The following UHRF1 variants were observed in gnomAD, a reference collection of about 807,000 sequenced individuals.
UHRF1 encodes ubiquitin like with PHD and ring finger domains 1.
A neutral mutation model predicts 96.5 loss-of-function variants in UHRF1; 9 were observed. That is an observed-to-expected ratio of 0.09 (90% confidence interval 0.06 to 0.16). The LOEUF is 0.16. UHRF1 is among the 10% of genes least tolerant of loss of function. UHRF1 has a pLI of 1.00. For missense variants in UHRF1, 626 were observed against 1,131.1 expected (o/e 0.55, Z 6.40); for synonymous variants, 455 against 469.9 (o/e 0.97, Z 0.41).
Position 4,911,023 on chromosome 19 carries a change from C to T in UHRF1, c.138C>T (p.Phe46=), listed in dbSNP as rs532419658. The change falls in exon 2 of 17, where the codon TTC becomes TTT. Residue 46 remains phenylalanine, a synonymous_variant. Coordinates refer to ENST00000650932, the MANE Select transcript of UHRF1 (RefSeq NM_001048201.3). ...FHVEPGLQRL[F]YRGKQMEDGH... ...TGGAGCCAGGCCTGCAGAGGCTGTT[C>T]TACAGGGGCAAACAGGTACACCCGC... 14 of 1,603,902 alleles carry T rather than the reference C, an allele frequency of 8.7e-6. No homozygotes were observed. Among genetic ancestry groups the T allele is most frequent in the South Asian group, 7.8e-5 (7 of 89,886 alleles).
At chr19:4,918,714 G>GC (rs1421719303) in intron 2 of UHRF1, among the ~76,000 whole-genome samples, 1 of 141,304 alleles carries the variant, frequency 7.1e-6, no homozygotes, top group East Asian at 2.1e-4. Context: ...GTGCCCAGCT[G>GC]GTTTTTTTTT....
chr19:4,939,297 T>C (rs1213503038), intron 5 of UHRF1, among the ~76,000 whole-genome samples: 4 of 150,192 alleles, frequency 2.7e-5, no homozygotes, highest in African/African-American at 9.8e-5. Context: ...TGAGTTCAAG[T>C]GATACTCCTG....
At chr19:4,935,333 C>T (rs1197929057) in intron 5 of UHRF1, among the ~76,000 whole-genome samples, 1 of 152,176 alleles carries the variant, frequency 6.6e-6, no homozygotes, top group Non-Finnish European at 1.5e-5. Context: ...GTAAGATGTG[C>T]CTGTGCTCGT....
intron 13 of UHRF1, among the ~76,000 whole-genome samples, chr19:4,952,942 C>T (rs981723744): frequency 7.9e-5 from 12 of 152,142 alleles, no homozygotes; most frequent in African/African-American, 2.7e-4. Context: ...GTAGCCTGCT[C>T]TCAGCGCTTG....
Position 4,954,288 on chromosome 19 carries a change from C to T in UHRF1, c.1819-62C>T, listed in dbSNP as rs182003377. 5.1e-5 allele frequency: 80 copies of T among 1,576,608 alleles called. No individual in the cohort carries two copies. The highest frequency in any genetic ancestry group is 5.9e-5 in the Non-Finnish European group (69 of 1,161,688). On this transcript the variant is annotated intron_variant, in intron 13 of 16. Coordinates refer to ENST00000650932, the MANE Select transcript of UHRF1 (RefSeq NM_001048201.3). The surrounding 1 kb of genome is among the most constrained non-coding windows in gnomAD (Gnocchi z 5.9). ...AGACCTGGCAAGGAGGCTGGAAGAG[C>T]GGGCTCTGCATAGCGTGTGGGCCCC...
rs1246560816 is a variant in UHRF1, at chr19:4,941,610, G to A, written c.868G>A (p.Val290Ile). 1.2e-6 allele frequency: 2 copies of A among 1,613,646 alleles called. No homozygotes were observed. Among genetic ancestry groups the A allele is most frequent in the Admixed American group, 1.7e-5 (1 of 59,968 alleles). Residue 290 changes from valine (V) to isoleucine (I), a missense_variant, in exon 6 of 17, where the codon GTT (valine) becomes ATT (isoleucine). Around this residue, in one of 11 missense-constraint regions of UHRF1, gnomAD observed 198 missense variants for 235.1 expected, o/e 0.84. Transcript: ENST00000650932. ...GCGGCCGGGTGAAGGGAGCCCCATG[G>A]TTGACAACCCCATGAGACGTGAGTT... ...IERPGEGSPM[V>I]DNPMRRKSGP...
rs372251574 is a variant in UHRF1 at position 4,937,801 on chromosome 19, A to T, written c.786-3727A>T. Among the ~76,000 whole-genome samples, 128 of 152,206 alleles carry T rather than the reference A, an allele frequency of 8.4e-4. 5 individuals carry two copies. The South Asian group carries it at 0.026, about 30-fold the overall frequency. The stretch of plus-strand genomic sequence containing the variant: ...GTTTATTCCTTTTTCTGTTTTCTGG[A>T]AGAGATTGTGTAAAATTTACGTTAA... On this transcript the variant is annotated intron_variant, in intron 5 of 16. Transcript: ENST00000650932.
At chr19:4,944,888 G>A (rs915462761) in intron 9 of UHRF1, among the ~76,000 whole-genome samples, 17 of 152,306 alleles carry the variant, frequency 1.1e-4, no homozygotes, top group Middle Eastern at 3.4e-3. Flanking sequence ...TCTCTGGGGC[G>A]GGGCCATCCT....
At chr19:4,922,797 C>T (rs577087660) in intron 2 of UHRF1, among the ~76,000 whole-genome samples, 7 of 152,206 alleles carry the variant, frequency 4.6e-5, no homozygotes, top group Non-Finnish European at 1.0e-4. Context: ...TGGGCCAGGC[C>T]CCATCCCCAC....
upstream of UHRF1, among the ~76,000 whole-genome samples, chr19:4,907,597 A>G (rs891861983): frequency 1.4e-5 from 2 of 147,440 alleles, no homozygotes; most frequent in Admixed American, 6.8e-5. Context: ...ACAGTTTGGG[A>G]GGTCAGAAGT....
At position 4,932,893 on chromosome 19, in the gene UHRF1, C is replaced by T; in HGVS notation, c.722C>T (p.Ala241Val). 6.2e-7 allele frequency: 1 copy of T among 1,613,790 alleles called. No homozygotes were observed. Among genetic ancestry groups the T allele is most frequent in the Non-Finnish European group, 8.5e-7 (1 of 1,179,880 alleles). The change falls in exon 5 of 17, where the codon GCG becomes GTG. Residue 241 changes from alanine to valine, a missense_variant. Physicochemically the swap from Ala to Val is moderately conservative, Grantham distance 64. This residue lies in a region of UHRF1 where 198 missense variants were observed against 235.1 expected (regional missense o/e 0.84). Coordinates refer to ENST00000650932, the MANE Select transcript of UHRF1 (RefSeq NM_001048201.3). ...AAGGAGCGGGGCTTCTGGTACGACG[C>T]GGAGATCTCCAGGAAGCGCGAGACC... ...NPKERGFWYD[A>V]EISRKRETRT... is the part of the protein sequence containing the mutation.
intron 2 of UHRF1, among the ~76,000 whole-genome samples, chr19:4,924,068 A>G (rs1281552884): frequency 6.6e-6 from 1 of 152,156 alleles, no homozygotes; most frequent in African/African-American, 2.4e-5. Context: ...CCAGGTTCAA[A>G]TGATTCTGTT....
intron 2 of UHRF1, among the ~76,000 whole-genome samples, chr19:4,926,247 T>TG (rs1732825133): frequency 6.6e-6 from 1 of 152,220 alleles, no homozygotes; most frequent in African/African-American, 2.4e-5. Flanking sequence ...CTCAGGCTGT[T>TG]GCGAGTGATG....
At chr19:4,936,158 A>G (rs1383075209) in intron 5 of UHRF1, among the ~76,000 whole-genome samples, 1 of 152,106 alleles carries the variant, frequency 6.6e-6, no homozygotes, top group Non-Finnish European at 1.5e-5. Flanking sequence ...CTTGGGGCAG[A>G]CACTGTCCCT....
rs2032250328 is a variant in UHRF1, at chr19:4,911,052, C to T, written c.153+14C>T. Reference sequence around the variant, plus strand: ...AGGGGCAAACAGGTACACCCGCCGCCAGCACCTTTGTTCTATGCCTGGTCC... The same window carrying T: ...AGGGGCAAACAGGTACACCCGCCGCTAGCACCTTTGTTCTATGCCTGGTCC... On this transcript the variant is annotated intron_variant, in intron 2 of 16. Coordinates refer to ENST00000650932, the MANE Select transcript of UHRF1 (RefSeq NM_001048201.3). The T allele has an allele frequency of 6.4e-7, 1 of 1,570,526 alleles. No individual in the cohort carries two copies. The highest frequency in any genetic ancestry group is 2.0e-4 in the Middle Eastern group (1 of 4,930).
chr19:4,903,108 C>T, exon 1 of UHRF1: 1 of 401,632 alleles, frequency 2.5e-6, no homozygotes, highest in Non-Finnish European at 4.7e-6. Context: ...CTCACTGCAA[C>T]CTCCGCCTCA....
At chr19:4,917,577 C>T (rs1379776409) in intron 2 of UHRF1, among the ~76,000 whole-genome samples, 1 of 148,302 alleles carries the variant, frequency 6.7e-6, no homozygotes, top group Non-Finnish European at 1.5e-5. Context: ...TTGCTGGAAC[C>T]CAGGAGGTGG....
At chr19:4,935,342 GT>G (rs1201864757) in intron 5 of UHRF1, among the ~76,000 whole-genome samples, 1 of 152,110 alleles carries the variant, frequency 6.6e-6, no homozygotes, top group African/African-American at 2.4e-5. Flanking sequence ...GCCTGTGCTC[GT>G]TCACCTTCCA....
At chr19:4,944,030 C>T (rs897868894) in intron 7 of UHRF1, 102 bp from the exon 8 acceptor site, 2 of 1,528,694 alleles carry the variant, frequency 1.3e-6, no homozygotes, top group African/African-American at 1.4e-5. Flanking sequence ...GGTAGTGGTG[C>T]CAGGCGGGGA....
Sources: allele counts gnomAD v4.1 joint callset (sites outside exome capture counted in the v4.1 genomes callset), GRCh38; gene constraint gnomAD v4.1.1; regional missense constraint gnomAD v4.1.1; non-coding constraint Gnocchi (gnomAD v3.1); transcripts MANE v1.5; gene names NCBI Gene and HGNC (gene_info 2026-07-23, HGNC 2026-07-21).